The following ACTL8 variants were observed in gnomAD, a reference collection of about 807,000 sequenced individuals.
ACTL8 encodes the protein actin-like protein 8.
In ACTL8, 3 loss-of-function variants were observed where a neutral mutation model predicts 9.3. The observed-to-expected ratio is 0.32, with a 90% CI of 0.15 to 0.83. ACTL8 has a LOEUF of 0.83. Ranked by LOEUF, ACTL8 falls within the 40% of genes least tolerant of loss-of-function variation. The probability of loss-of-function intolerance (pLI) is 0.57; values close to 1 mark genes in which losing one functional copy is unlikely to be tolerated. For missense variants in ACTL8, 381 were observed against 492.2 expected, an observed-to-expected ratio of 0.77 and a Z score of 2.14; for synonymous variants, 224 against 205.9, an observed-to-expected ratio of 1.09 and a Z score of -0.75.
intron 1 of ACTL8, among the ~76,000 whole-genome samples, chr1:17,761,977 G>A (rs981707264): frequency 2.0e-5 from 3 of 150,120 alleles, no homozygotes; most frequent in East Asian, 2.0e-4. Context: ...GGGTCCATGC[G>A]CTCACCTGAG....
rs200912613 is a variant in ACTL8 at position 17,776,914 on chromosome 1, C to T, written c.-25+21410C>T. Among the ~76,000 whole-genome samples the T allele has an allele frequency of 1.3e-3, 194 of 151,558 alleles. 3 individuals are homozygous for T. Among genetic ancestry groups the T allele is most frequent in the East Asian group, 7.6e-3 (39 of 5,138 alleles). ...TCCTGGGCTCAAGCAATCCTCCCAC[C>T]TCTGCCTCCTGAGTAGCTGGGACTA... is the stretch of plus-strand genomic sequence containing the variant. On this transcript the variant is annotated intron_variant, in intron 1 of 2. Transcript: ENST00000375406.
rs2053677239 is a variant in ACTL8, at chr1:17,823,071, C to CCTCGGA, written c.63_64insCTCGGA (p.Gly21_Trp22insLeuGly). On this transcript the variant is annotated inframe_insertion, in exon 2 of 3. Transcript: ENST00000375406. The surrounding 1 kb of genome is among the most constrained non-coding windows in gnomAD (Gnocchi z 5.3). The stretch of plus-strand genomic sequence containing the variant: ...GCTTTTTGAAGGCTGGCACGGCCGG[C>CCTCGGA]TGGAATGAGCCTCAGATGGTCTTCC... The CCTCGGA allele has an allele frequency of 6.2e-7, 1 of 1,613,844 alleles. No homozygotes were observed. The highest frequency in any genetic ancestry group is 8.5e-7 in the Non-Finnish European group (1 of 1,179,962).
At chr1:17,820,512 C>G (rs898752022) in intron 1 of ACTL8, among the ~76,000 whole-genome samples, 1 of 151,538 alleles carries the variant, frequency 6.6e-6, no homozygotes. Flanking sequence ...TTTTCATTTC[C>G]CTTGAGTAAA....
chr1:17,798,068 T>A (rs1257455658), intron 1 of ACTL8, among the ~76,000 whole-genome samples: 1 of 149,966 alleles, frequency 6.7e-6, no homozygotes, highest in Non-Finnish European at 1.5e-5. Flanking sequence ...CTCCACCACA[T>A]CTTCAGTCTG....
rs928141002 is a variant in ACTL8 at position 17,772,129 on chromosome 1, C to T, written c.-25+16625C>T. 2.6e-5 allele frequency among the ~76,000 whole-genome samples: 4 copies of T among 152,250 alleles called. No homozygotes were observed. In the East Asian group the frequency reaches 5.8e-4, roughly 22 times the overall value. Reference sequence around the variant, plus strand: ...CTGAGCTCTGCTGGGTGTAGTCTTCCGTGTTCACCTAGTGTTTCTAGGGGA... The same window carrying T: ...CTGAGCTCTGCTGGGTGTAGTCTTCTGTGTTCACCTAGTGTTTCTAGGGGA... On this transcript the variant is annotated intron_variant, in intron 1 of 2. Transcript: ENST00000375406.
chr1:17,788,306 C>T (rs148873160), intron 1 of ACTL8, among the ~76,000 whole-genome samples: 70 of 152,338 alleles, frequency 4.6e-4, no homozygotes, highest in Middle Eastern at 3.4e-3. Flanking sequence ...TAAGAAGCCT[C>T]CTTTCCACCC....
At chr1:17,765,463 T>C (rs987927353) in intron 1 of ACTL8, among the ~76,000 whole-genome samples, 5 of 152,042 alleles carry the variant, frequency 3.3e-5, no homozygotes, top group African/African-American at 9.7e-5. Flanking sequence ...GCAATAACCA[T>C]ATGGAGTTGG....
intron 1 of ACTL8, among the ~76,000 whole-genome samples, chr1:17,814,457 A>G (rs2066412121): frequency 6.6e-6 from 1 of 152,238 alleles, no homozygotes; most frequent in South Asian, 2.1e-4. Flanking sequence ...TACAATACAT[A>G]CCATTATGTT....
chr1:17,766,254 C>T (rs2066043605), intron 1 of ACTL8, among the ~76,000 whole-genome samples: 1 of 152,180 alleles, frequency 6.6e-6, no homozygotes, highest in Admixed American at 6.5e-5. Flanking sequence ...CCTGTCTTCC[C>T]AAAATTGTGT....
chr1:17,777,702 C>T (rs556281826), intron 1 of ACTL8, among the ~76,000 whole-genome samples: 2 of 152,222 alleles, frequency 1.3e-5, no homozygotes, highest in South Asian at 4.1e-4. Flanking sequence ...CATCTGAGGC[C>T]GGCTGCCTTT....
At position 17,815,945 on chromosome 1, in the gene ACTL8, T is replaced by C. The variant is rs943931348; in HGVS notation, c.-24-7040T>C. ...TCGTCTCTATTCTATGGAGCAGAAC[T>C]TTTCTTTGTTTTTATTTTTTATTCT... is the stretch of plus-strand genomic sequence containing the variant. On this transcript the variant is annotated intron_variant, in intron 1 of 2. Transcript: ENST00000375406. Among the ~76,000 whole-genome samples the C allele has an allele frequency of 5.9e-5, 9 of 152,300 alleles. No homozygotes were observed. The South Asian group carries it at 1.7e-3, about 28-fold the overall frequency.
chr1:17,782,446 A>C (rs1209823863), intron 1 of ACTL8, among the ~76,000 whole-genome samples: 1 of 152,212 alleles, frequency 6.6e-6, no homozygotes, highest in Non-Finnish European at 1.5e-5. Flanking sequence ...AAATATGCAG[A>C]TAAGCCAAAG....
rs534302885 is a variant in ACTL8, at chr1:17,779,109, G to A, written c.-25+23605G>A. ...AGCCCTGTTCCTCCTATACATACCC[G>A]AGATTCCAGATGTGCTAAACGACTC... On this transcript the variant is annotated intron_variant, in intron 1 of 2. Coordinates refer to ENST00000375406, the MANE Select transcript of ACTL8 (RefSeq NM_030812.3). 1.4e-4 allele frequency among the ~76,000 whole-genome samples: 21 copies of A among 152,132 alleles called. 1 individual carries two copies. The highest frequency in any genetic ancestry group is 4.8e-4 in the African/African-American group (20 of 41,496).
rs543400035 is a variant in ACTL8, at chr1:17,778,946, G to A, written c.-25+23442G>A. ...ATAGAGGGGCTGATGACACAGGCCC[G>A]ACCCGGGTCATGAGAAGCCAGGCCC... On this transcript the variant is annotated intron_variant, in intron 1 of 2. Transcript: ENST00000375406. 5.8e-4 allele frequency among the ~76,000 whole-genome samples: 89 copies of A among 152,242 alleles called. No individual in the cohort carries two copies. In the South Asian group the frequency reaches 0.018, roughly 31 times the overall value.
At chr1:17,788,455 C>T (rs553954852) in intron 1 of ACTL8, among the ~76,000 whole-genome samples, 15 of 152,360 alleles carry the variant, frequency 9.8e-5, no homozygotes, top group Admixed American at 2.0e-4. Flanking sequence ...CCTCAGCCCT[C>T]GGAGCAGCCA....
At chr1:17,759,628 A>G (rs561002066) in intron 1 of ACTL8, among the ~76,000 whole-genome samples, 42 of 152,038 alleles carry the variant, frequency 2.8e-4, no homozygotes, top group South Asian at 6.2e-4. Flanking sequence ...TTGTGGGAGG[A>G]TGCTTGTTTC....
chr1:17,794,765 G>A (rs958459829), intron 1 of ACTL8, among the ~76,000 whole-genome samples: 11 of 152,166 alleles, frequency 7.2e-5, no homozygotes, highest in African/African-American at 2.7e-4. Context: ...TGAGGGCAAC[G>A]TAGAGATCCC....
chr1:17,795,477 T>C (rs1175699182), intron 1 of ACTL8, among the ~76,000 whole-genome samples: 6 of 152,246 alleles, frequency 3.9e-5, no homozygotes, highest in Admixed American at 1.3e-4. Flanking sequence ...GTTCTGCAAA[T>C]GTAAATTTGC....
chr1:17,802,424 C>CGT (rs72387933), intron 1 of ACTL8, among the ~76,000 whole-genome samples: 6,408 of 146,632 alleles, frequency 0.044, 137 homozygotes, highest in South Asian at 0.075. Context: ...ACTGTGCGTG[C>CGT]GTGTGTGTGT....
Sources: gnomAD v4.1 joint callset for allele counts (sites outside exome capture counted in the v4.1 genomes callset) on GRCh38, gnomAD v4.1.1 for gene constraint, Gnocchi (gnomAD v3.1) non-coding constraint, MANE v1.5 for transcripts, NCBI Gene and HGNC (gene_info 2026-07-23, HGNC 2026-07-21) for gene names.